The following EVL variants were observed in gnomAD, a reference collection of about 807,000 sequenced individuals.
EVL encodes Enah/Vasp-like, also known as ena/VASP-like protein.
A neutral mutation model predicts 59.6 loss-of-function variants in EVL; 21 were observed. The observed-to-expected ratio is 0.35, with a 90% CI of 0.25 to 0.51. The LOEUF (loss-of-function observed/expected upper bound fraction) is 0.51, where lower values mean the gene tolerates loss of function less well. Ranked by LOEUF, EVL falls within the 20% of genes least tolerant of loss-of-function variation. EVL has a pLI of 0.97. For missense variants in EVL, 462 were observed against 546.6 expected, an observed-to-expected ratio of 0.85 and a Z score of 1.54; for synonymous variants, 198 against 203.5, an observed-to-expected ratio of 0.97 and a Z score of 0.23.
At chr14:100,018,458 A>C (rs2061070017) in intron 1 of EVL, among the ~76,000 whole-genome samples, 1 of 152,202 alleles carries the variant, frequency 6.6e-6, no homozygotes, top group African/African-American at 2.4e-5. Context: ...TTATTTCTTG[A>C]GCTGTGAGGA....
At chr14:100,063,679 G>A (rs2061876469), upstream of EVL, among the ~76,000 whole-genome samples, 1 of 152,202 alleles carries the variant, frequency 6.6e-6, no homozygotes, top group African/African-American at 2.4e-5. Flanking sequence ...CAAGGACGTA[G>A]ACGTTCTGAA....
upstream of EVL, among the ~76,000 whole-genome samples, chr14:100,062,002 G>GT (rs1036075919): frequency 2.6e-5 from 4 of 151,924 alleles, no homozygotes; most frequent in African/African-American, 9.7e-5. Flanking sequence ...AGGCATGGTG[G>GT]TAGCTCATGC....
intron 1 of EVL, among the ~76,000 whole-genome samples, chr14:100,068,402 T>C (rs1383656093): frequency 2.0e-5 from 3 of 152,164 alleles, no homozygotes; most frequent in Non-Finnish European, 4.4e-5. Flanking sequence ...TTAGCGCGTA[T>C]GTCAGAATTT....
rs1400579087 is a variant in EVL at position 100,076,233 on chromosome 14, G to A, written c.12-8454G>A. Among the ~76,000 whole-genome samples the A allele has an allele frequency of 2.0e-5, 3 of 152,372 alleles. No homozygotes were observed. The East Asian group carries it at 5.8e-4, about 29-fold the overall frequency. ...GCTTTACCACCAGGCTGCTGGTTGG[G>A]CTATGTGATCAGACGGGTCCTTCCT... On this transcript the variant is annotated intron_variant, in intron 1 of 13. Coordinates refer to ENST00000392920, the MANE Select transcript of EVL (RefSeq NM_016337.3).
At chr14:100,105,887 ACT>A (rs1207875609) in intron 3 of EVL, 1 of 152,118 alleles carries the variant, frequency 6.6e-6, no homozygotes, top group Non-Finnish European at 1.5e-5. Flanking sequence ...AGTGTCTGAA[ACT>A]CTGCAGAAAG....
chr14:100,134,081 T>G (rs1159804992), intron 8 of EVL, among the ~76,000 whole-genome samples: 2 of 152,244 alleles, frequency 1.3e-5, no homozygotes, highest in African/African-American at 4.8e-5. Flanking sequence ...CGTTGTCTCC[T>G]GCCAGATCTT....
chr14:100,053,704 C>T (rs2061681838), intron 1 of EVL, among the ~76,000 whole-genome samples: 1 of 152,110 alleles, frequency 6.6e-6, no homozygotes, highest in Non-Finnish European at 1.5e-5. Context: ...ACTTTGTAAC[C>T]ACCATCTTTA....
intron 1 of EVL, among the ~76,000 whole-genome samples, chr14:100,017,920 G>A (rs1387068289): frequency 2.0e-5 from 3 of 152,192 alleles, no homozygotes; most frequent in Non-Finnish European, 2.9e-5. Context: ...GCTTCTCTTC[G>A]AGACGGAGAT....
At chr14:100,112,252 G>A (rs972614788) in intron 3 of EVL, among the ~76,000 whole-genome samples, 2 of 152,140 alleles carry the variant, frequency 1.3e-5, no homozygotes, top group Non-Finnish European at 2.9e-5. Flanking sequence ...GACAGGCTGC[G>A]AGTGTTTGAG....
chr14:100,089,769 C>T (rs1200482796), intron 2 of EVL, among the ~76,000 whole-genome samples: 2 of 152,076 alleles, frequency 1.3e-5, no homozygotes, highest in East Asian at 3.9e-4. Context: ...CCTCTACCAA[C>T]AAAAAATTTT....
intron 1 of EVL, among the ~76,000 whole-genome samples, chr14:100,067,994 C>T (rs1207737265): frequency 6.6e-6 from 1 of 152,194 alleles, no homozygotes; most frequent in Non-Finnish European, 1.5e-5. Flanking sequence ...CAACCAGTCA[C>T]CCAGCGGCTG....
chr14:100,094,480 G>T (rs1015079802), intron 2 of EVL, among the ~76,000 whole-genome samples: 2 of 152,144 alleles, frequency 1.3e-5, no homozygotes, highest in Non-Finnish European at 2.9e-5. Context: ...AGTGGCTCAT[G>T]CCTGTAATCC....
chr14:100,065,013 C>T (rs947812692), upstream of EVL, among the ~76,000 whole-genome samples: 3 of 152,222 alleles, frequency 2.0e-5, no homozygotes, highest in African/African-American at 7.2e-5. Context: ...GTAGCCTTTT[C>T]TTAAGGCCTA....
At chr14:100,056,902 T>C (rs1251776371) in intron 1 of EVL, among the ~76,000 whole-genome samples, 1 of 131,860 alleles carries the variant, frequency 7.6e-6, no homozygotes, top group South Asian at 2.1e-4. Flanking sequence ...CACAATTGAT[T>C]ATAAAAGATG....
intron 1 of EVL, among the ~76,000 whole-genome samples, chr14:100,014,339 A>G (rs954025048): frequency 6.6e-6 from 1 of 152,198 alleles, no homozygotes; most frequent in Non-Finnish European, 1.5e-5. Flanking sequence ...CACAAGTTCA[A>G]TTGTTTTAAT....
chr14:99,993,685 C>CTTTTTTTTTTTTTTTT (rs532512303), intron 1 of EVL, among the ~76,000 whole-genome samples: 9 of 78,266 alleles, frequency 1.1e-4, no homozygotes, highest in East Asian at 4.0e-4. Context: ...TTCTTTCTTT[C>CTTTTTTTTTTTTTTTT]TTTTTTTTTT....
At chr14:100,011,003 G>T (rs1324435504) in intron 1 of EVL, among the ~76,000 whole-genome samples, 1 of 152,176 alleles carries the variant, frequency 6.6e-6, no homozygotes, top group Non-Finnish European at 1.5e-5. Flanking sequence ...AAGATGATTT[G>T]TCCTAAGAAA....
upstream of EVL, among the ~76,000 whole-genome samples, chr14:100,062,594 A>G (rs1439961176): frequency 1.3e-5 from 2 of 152,244 alleles, no homozygotes; most frequent in Non-Finnish European, 2.9e-5. Flanking sequence ...GTATCCATCT[A>G]CATCAATAAA....
intron 1 of EVL, among the ~76,000 whole-genome samples, chr14:100,034,015 C>T (rs992871816): frequency 1.3e-5 from 2 of 151,808 alleles, no homozygotes; most frequent in African/African-American, 4.8e-5. Flanking sequence ...CACCTGAGGT[C>T]AGGAGTTCAA....
Sources: allele counts gnomAD v4.1 joint callset (sites outside exome capture counted in the v4.1 genomes callset), GRCh38; gene constraint gnomAD v4.1.1; transcripts MANE v1.5; gene names NCBI Gene and HGNC (gene_info 2026-07-23, HGNC 2026-07-21).